HECTD4: variants seen among roughly 807,000 people sequenced by gnomAD.
HECTD4 encodes HECT domain E3 ubiquitin protein ligase 4.
A neutral mutation model predicts 471.5 loss-of-function variants in HECTD4; 114 were observed. The observed-to-expected ratio is 0.24, with a 90% CI of 0.21 to 0.28. The LOEUF (loss-of-function observed/expected upper bound fraction) is 0.28, where lower values mean the gene tolerates loss of function less well. Among genes scored for constraint, HECTD4 ranks in the 10% least tolerant of loss-of-function variants. HECTD4 has a pLI of 1.00. For synonymous variants in HECTD4, 2,012 were observed against 2,256.0 expected, an observed-to-expected ratio of 0.89 and a Z score of 3.07; for missense variants, 3,866 against 5,651.5, an observed-to-expected ratio of 0.68 and a Z score of 10.13.
At chr12:112,303,584 T>C (rs1167352757) in intron 7 of HECTD4, among the ~76,000 whole-genome samples, 1 of 152,130 alleles carries the variant, frequency 6.6e-6, no homozygotes, top group Non-Finnish European at 1.5e-5. Context: ...GTGTGGTGGC[T>C]CAGGCCTGTT....
chr12:112,350,249 A>G (rs2036226972), intron 1 of HECTD4, among the ~76,000 whole-genome samples: 1 of 152,224 alleles, frequency 6.6e-6, no homozygotes, highest in Non-Finnish European at 1.5e-5. Flanking sequence ...ACACCCAGCC[A>G]TACGATACTT....
chr12:112,340,554 A>G (rs1036064182), intron 1 of HECTD4, among the ~76,000 whole-genome samples: 21 of 152,200 alleles, frequency 1.4e-4, no homozygotes, highest in Non-Finnish European at 2.2e-4. Context: ...TCTAGTGGGT[A>G]GAGACCAGGG....
At position 112,222,510 on chromosome 12, in the gene HECTD4, T is replaced by C. The variant is rs181399204; in HGVS notation, c.6971-3021A>G. On this transcript the variant is annotated intron_variant, in intron 44 of 75. Transcript: ENST00000682272. ...GGTAAAACCCTGTCTCTACTAAAAA[T>C]GCAAAAATTATCCACGTGTGGTGGC... Among the ~76,000 whole-genome samples, 18 of 152,208 alleles carry C rather than the reference T, an allele frequency of 1.2e-4. No individual in the cohort carries two copies. In the East Asian group the frequency reaches 2.9e-3, roughly 25 times the overall value.
chr12:112,341,026 T>A (rs954651017), intron 1 of HECTD4, among the ~76,000 whole-genome samples: 3 of 152,216 alleles, frequency 2.0e-5, no homozygotes, highest in Non-Finnish European at 4.4e-5. Context: ...ATATTATTTT[T>A]AAAAATCTTT....
At position 112,239,378 on chromosome 12, in the gene HECTD4, A is replaced by G. The variant is rs945687797; in HGVS notation, c.5106-142T>C. ...AGGATACTGCCATGTGCAATCAAAC[A>G]CAAAATGATTTTCTGATAATGATGA... is the stretch of plus-strand genomic sequence containing the variant. On this transcript the variant is annotated intron_variant, in intron 33 of 75. Transcript: ENST00000682272. The surrounding 1 kb of genome is among the most constrained non-coding windows in gnomAD (Gnocchi z 4.9). 5 of 622,892 alleles carry G rather than the reference A, an allele frequency of 8.0e-6. No individual in the cohort carries two copies. Among genetic ancestry groups the G allele is most frequent in the African/African-American group, 3.8e-5 (2 of 53,110 alleles). 38.6% of individuals were successfully genotyped at this position (622,892 alleles called of 1,614,324 possible). A position where few individuals can be genotyped will look rare whatever the true frequency, so the allele number is the denominator to read the frequency against.
At position 112,265,203 on chromosome 12, in the gene HECTD4, T is replaced by C; in HGVS notation, c.2591A>G (p.Asp864Gly). The change falls in exon 16 of 76, where the codon GAT (aspartate) becomes GGT (glycine). Residue 864 changes from aspartate (D) to glycine (G), a missense_variant. Physicochemically the swap from Asp to Gly is moderately conservative, Grantham distance 94 (BLOSUM62 -1). Around this residue, in one of 16 missense-constraint regions of HECTD4, gnomAD observed 525 missense variants for 672.6 expected, o/e 0.78. Transcript: ENST00000682272. ...ITKCQTVSKD[D>G]FQKLLSTVPA... ...CACAGTTGAAAGGAGCTTTTGAAAA[T>C]CATCTTTAGAGACAGTTTGGCACTT... 6.2e-7 allele frequency: 1 copy of C among 1,604,592 alleles called. No homozygotes were observed. The highest frequency in any genetic ancestry group is 8.5e-7 in the Non-Finnish European group (1 of 1,175,984).
rs1169435326 is a variant in HECTD4 at position 112,309,666 on chromosome 12, G to A, written c.920C>T (p.Ala307Val). The A allele has an allele frequency of 2.7e-6, 4 of 1,496,434 alleles. No homozygotes were observed. The highest frequency in any genetic ancestry group is 3.6e-6 in the Non-Finnish European group (4 of 1,116,406). The allele number at this position is 1,496,434 out of a possible 1,614,324, so 92.7% of individuals were successfully genotyped here. A position where few individuals can be genotyped will look rare whatever the true frequency, so the allele number is the denominator to read the frequency against. ...NTGSSSENKD[A>V]DLGRCLTADG... ...TGCCGTGAGACAGCGTCCCAAGTCA[G>A]CATCTGAAATCGTTTTTTCACAGGT... The change falls in exon 5 of 76, where the codon GCT (alanine) becomes GTT (valine). Residue 307 changes from alanine (A) to valine (V), a missense_variant. Transcript: ENST00000682272.
rs1241642476 is a variant in HECTD4, at chr12:112,188,041, C to T, written c.9473-2548G>A. On this transcript the variant is annotated intron_variant, in intron 60 of 75. Coordinates refer to ENST00000682272, the MANE Select transcript of HECTD4 (RefSeq NM_001388303.1). This position sits in a 1 kb window ranked among gnomAD's most constrained non-coding sequence, Gnocchi z 4.2. ...GTGGTTCATGCCTGTAATCCCAGTACTATGGGAGGCCAAGGCAGGTGGGTC... is the reference window on the plus strand; with the variant it reads ...GTGGTTCATGCCTGTAATCCCAGTATTATGGGAGGCCAAGGCAGGTGGGTC... 6.6e-6 allele frequency among the ~76,000 whole-genome samples: 1 copy of T among 152,070 alleles called. No homozygotes were observed. Among genetic ancestry groups the T allele is most frequent in the Non-Finnish European group, 1.5e-5 (1 of 68,014 alleles).
Position 112,306,183 on chromosome 12 carries a change from T to C in HECTD4, c.1216A>G (p.Met406Val), listed in dbSNP as rs1298899098. ...TCTGAAGACAGGTGCACAGTGCTCA[T>C]GGTGCTGCCAATGGGGAGGTGATTG... The part of the protein sequence containing the change: ...PANHLPIGST[M>V]STVHLSSDGT... Residue 406 changes from methionine to valine, a missense_variant, in exon 7 of 76, where the codon ATG (methionine) becomes GTG (valine). By Grantham distance (21) the Met-to-Val change is conservative. Around this residue, in one of 16 missense-constraint regions of HECTD4, gnomAD observed 440 missense variants for 636.0 expected, o/e 0.69. Coordinates refer to ENST00000682272, the MANE Select transcript of HECTD4 (RefSeq NM_001388303.1). 17 of 1,603,558 alleles carry C rather than the reference T, an allele frequency of 1.1e-5. No homozygotes were observed. In the Middle Eastern group the frequency reaches 8.2e-4, roughly 78 times the overall value.
chr12:112,176,529 G>A (rs1319024708), intron 65 of HECTD4, 67 bp downstream of exon 65: 16 of 1,110,916 alleles, frequency 1.4e-5, no homozygotes, highest in African/African-American at 6.1e-5. Flanking sequence ...CCTGCTCCTC[G>A]GGGGGTGCCT....
At chr12:112,230,411 T>C (rs1370774777) in intron 40 of HECTD4, among the ~76,000 whole-genome samples, 2 of 152,126 alleles carry the variant, frequency 1.3e-5, no homozygotes, top group Non-Finnish European at 2.9e-5. Context: ...TCAGTACCAA[T>C]CTAACATAAG....
intron 35 of HECTD4, among the ~76,000 whole-genome samples, chr12:112,236,361 C>T (rs1036102320): frequency 2.6e-5 from 4 of 152,196 alleles, no homozygotes; most frequent in South Asian, 2.1e-4. Flanking sequence ...TTGGAATTTA[C>T]GTTATTTATT....
At chr12:112,164,068 G>A (rs1331546641) in intron 73 of HECTD4, 41 bp downstream of exon 73, 8 of 1,381,140 alleles carry the variant, frequency 5.8e-6, no homozygotes, top group South Asian at 1.7e-5. Flanking sequence ...CTGGCTGGCC[G>A]GGCCAGCCCC....
intron 32 of HECTD4, among the ~76,000 whole-genome samples, 156 bp from the exon 33 acceptor site, chr12:112,240,183 A>G (rs899079684): frequency 7.9e-5 from 12 of 152,212 alleles, no homozygotes; most frequent in Admixed American, 7.9e-4. Flanking sequence ...AGACTATGCA[A>G]GACTGCTGGA....
At chr12:112,300,184 C>T (rs2035133534) in intron 7 of HECTD4, among the ~76,000 whole-genome samples, 1 of 151,648 alleles carries the variant, frequency 6.6e-6, no homozygotes, top group Non-Finnish European at 1.5e-5. Flanking sequence ...GCATGATGGC[C>T]TGTAGTCCCA....
At chr12:112,226,208 C>T (rs894498844) in intron 44 of HECTD4, among the ~76,000 whole-genome samples, 2 of 144,376 alleles carry the variant, frequency 1.4e-5, no homozygotes, top group Non-Finnish European at 3.0e-5. Context: ...CACACACACA[C>T]TCACACACAC....
chr12:112,261,489 G>C (rs1323296780), intron 17 of HECTD4, 60 bp from the exon 18 acceptor site: 2 of 1,454,074 alleles, frequency 1.4e-6, no homozygotes, highest in Middle Eastern at 1.9e-4. Flanking sequence ...CGTTCACAAT[G>C]ACAACATGAA....
chr12:112,316,661 C>G (rs892174891), intron 2 of HECTD4, among the ~76,000 whole-genome samples: 5 of 152,106 alleles, frequency 3.3e-5, no homozygotes, highest in African/African-American at 1.2e-4. Flanking sequence ...CAGAAATGTT[C>G]AATAAATGTT....
Position 112,163,499 on chromosome 12 carries a change from G to A in HECTD4, c.12897+43C>T. 1.4e-6 allele frequency: 2 copies of A among 1,432,756 alleles called. No individual in the cohort carries two copies. The highest frequency in any genetic ancestry group is 2.5e-5 in the East Asian group (1 of 39,262). The allele number at this position is 1,432,756 out of a possible 1,614,324, so 88.8% of individuals were successfully genotyped here. ...TGAGGGTGACAGGGAGGCACGCCTG[G>A]GGCTCACCACCTCCCCGCCCAGCCT... is the stretch of plus-strand genomic sequence containing the variant. On this transcript the variant is annotated intron_variant, in intron 74 of 75. Transcript: ENST00000682272. This position sits in a 1 kb window ranked among gnomAD's most constrained non-coding sequence, Gnocchi z 8.2.
Sources: gnomAD v4.1 joint callset for allele counts (sites outside exome capture counted in the v4.1 genomes callset) on GRCh38, gnomAD v4.1.1 for gene constraint, gnomAD v4.1.1 regional missense constraint, Gnocchi (gnomAD v3.1) non-coding constraint, MANE v1.5 for transcripts, NCBI Gene and HGNC (gene_info 2026-07-23, HGNC 2026-07-21) for gene names.